The following ZNF423 variants were observed in gnomAD, a reference collection of about 807,000 sequenced individuals.
The protein encoded by ZNF423 is zinc finger protein 423.
ZNF423 carries 12 observed loss-of-function variants against 95.8 expected under a neutral mutation model. That is an observed-to-expected ratio of 0.13 (90% CI 0.08 to 0.20). The LOEUF (loss-of-function observed/expected upper bound fraction) is 0.20, where lower values mean the gene tolerates loss of function less well. Among genes scored for constraint, ZNF423 ranks in the 10% least tolerant of loss-of-function variants. The probability of loss-of-function intolerance (pLI) is 1.00; values close to 1 mark genes in which losing one functional copy is unlikely to be tolerated. For missense variants in ZNF423, 1,316 were observed against 1,737.1 expected, an observed-to-expected ratio of 0.76 and a Z score of 4.31; for synonymous variants, 749 against 711.9, an observed-to-expected ratio of 1.05 and a Z score of -0.83.
At chr16:49,761,827 A>G (rs1211370892) in intron 2 of ZNF423, among the ~76,000 whole-genome samples, 1 of 152,210 alleles carries the variant, frequency 6.6e-6, no homozygotes, top group African/African-American at 2.4e-5. Flanking sequence ...AATCCTTTAA[A>G]AAGAGAGAGA....
At chr16:49,813,151 G>A (rs1052891138) in intron 1 of ZNF423, among the ~76,000 whole-genome samples, 1 of 152,020 alleles carries the variant, frequency 6.6e-6, no homozygotes, top group African/African-American at 2.4e-5. Flanking sequence ...CCATTTCCCT[G>A]TGCGTATGAA....
intron 1 of ZNF423, among the ~76,000 whole-genome samples, chr16:49,791,062 T>C (rs745611087): frequency 6.6e-6 from 1 of 152,180 alleles, no homozygotes; most frequent in Non-Finnish European, 1.5e-5. Context: ...CCTCACAGAA[T>C]GGGTTTCTCT....
chr16:49,727,051 G>T lies in ZNF423; in HGVS notation c.301+3720C>A, dbSNP rs181033959. On this transcript the variant is annotated intron_variant, in intron 3 of 7. Transcript: ENST00000563137. The stretch of plus-strand genomic sequence containing the variant: ...AAATCAAACAGACATCAGGGCGGGA[G>T]AATGAATGGAGAGGACTGGATTTTT... Among the ~76,000 whole-genome samples the T allele has an allele frequency of 1.8e-3, 270 of 152,234 alleles. 1 individual carries two copies. The highest frequency in any genetic ancestry group is 6.8e-4 in the Non-Finnish European group (46 of 68,028).
rs112361973 is a variant in ZNF423 at position 49,768,836 on chromosome 16, C to T, written c.100+20651G>A. Among the ~76,000 whole-genome samples the T allele has an allele frequency of 6.6e-5, 10 of 152,182 alleles. 1 individual carries two copies. Among genetic ancestry groups the T allele is most frequent in the African/African-American group, 2.4e-4 (10 of 41,528 alleles). On this transcript the variant is annotated intron_variant, in intron 2 of 7. Transcript: ENST00000563137. ...GATTGCCAGAACACACGTTCAAGTA[C>T]CCCCTCAACATCTCACGGGCATCTC...
intron 3 of ZNF423, among the ~76,000 whole-genome samples, chr16:49,658,007 A>G (rs945765567): frequency 6.6e-6 from 1 of 152,234 alleles, no homozygotes; most frequent in Non-Finnish European, 1.5e-5. Context: ...CCTCAGGACT[A>G]ACAATGTCAG....
intron 5 of ZNF423, among the ~76,000 whole-genome samples, chr16:49,580,349 A>G (rs1311121852): frequency 6.6e-6 from 1 of 151,832 alleles, no homozygotes; most frequent in African/African-American, 2.4e-5. Context: ...CACCAATAAC[A>G]CGTCTCTTAG....
At chr16:49,502,602 C>A (rs1232685580) in intron 7 of ZNF423, among the ~76,000 whole-genome samples, 1 of 152,034 alleles carries the variant, frequency 6.6e-6, no homozygotes, top group African/African-American at 2.4e-5. Context: ...AACCCCCACA[C>A]CTTCCTTGCT....
At chr16:49,758,680 T>C (rs1279076564) in intron 2 of ZNF423, among the ~76,000 whole-genome samples, 1 of 152,112 alleles carries the variant, frequency 6.6e-6, no homozygotes, top group African/African-American at 2.4e-5. Context: ...AGTTTGAAGC[T>C]GCAGTGAGCT....
intron 5 of ZNF423, among the ~76,000 whole-genome samples, chr16:49,578,792 G>A (rs770080932): frequency 9.8e-5 from 15 of 152,336 alleles, no homozygotes; most frequent in Non-Finnish European, 1.6e-4. Flanking sequence ...CTGGACGGAG[G>A]TAGACCCAAG....
At chr16:49,503,182 C>T (rs551438739) in intron 7 of ZNF423, among the ~76,000 whole-genome samples, 38 of 152,216 alleles carry the variant, frequency 2.5e-4, no homozygotes, top group African/African-American at 7.9e-4. Flanking sequence ...ATCTGCCCCA[C>T]GTTCACCCCA....
intron 4 of ZNF423, among the ~76,000 whole-genome samples, chr16:49,632,092 G>C (rs1483682594): frequency 6.6e-6 from 1 of 152,200 alleles, no homozygotes; most frequent in Non-Finnish European, 1.5e-5. Context: ...ACCTAGCAGA[G>C]AAAGGCACCG....
At chr16:49,836,910 G>A (rs535422096) in intron 1 of ZNF423, among the ~76,000 whole-genome samples, 1 of 152,308 alleles carries the variant, frequency 6.6e-6, no homozygotes, top group South Asian at 2.1e-4. Context: ...TGGGAACCCA[G>A]GACAGGCCTC....
chr16:49,733,373 AT>A (rs1221504278), intron 2 of ZNF423, among the ~76,000 whole-genome samples: 2 of 152,176 alleles, frequency 1.3e-5, no homozygotes, highest in African/African-American at 4.8e-5. Flanking sequence ...TCCCCTCGTT[AT>A]TTTTTTGCCG....
intron 7 of ZNF423, among the ~76,000 whole-genome samples, chr16:49,502,295 T>C (rs1230417456): frequency 1.3e-5 from 2 of 152,056 alleles, no homozygotes; most frequent in African/African-American, 4.8e-5. Flanking sequence ...GTGGTTAAGT[T>C]CTGACAAAGA....
At chr16:49,614,894 G>A (rs1401405234) in intron 5 of ZNF423, among the ~76,000 whole-genome samples, 1 of 152,156 alleles carries the variant, frequency 6.6e-6, no homozygotes, top group Non-Finnish European at 1.5e-5. Context: ...ACTTTGGGAG[G>A]CTCTGGCGGG....
intron 3 of ZNF423, among the ~76,000 whole-genome samples, chr16:49,673,978 TG>T (rs2030933619): frequency 6.6e-6 from 1 of 152,174 alleles, no homozygotes; most frequent in Non-Finnish European, 1.5e-5. Context: ...GAAGGCCTGC[TG>T]CTGGGTCTTA....
At chr16:49,757,208 G>A (rs2033743575) in intron 2 of ZNF423, among the ~76,000 whole-genome samples, 1 of 152,164 alleles carries the variant, frequency 6.6e-6, no homozygotes, top group South Asian at 2.1e-4. Flanking sequence ...TATAAATGAG[G>A]CCAAGAATTT....
chr16:49,713,353 G>A (rs2032603587), intron 3 of ZNF423, among the ~76,000 whole-genome samples: 1 of 152,194 alleles, frequency 6.6e-6, no homozygotes, highest in East Asian at 1.9e-4. Context: ...TGGGTACAAA[G>A]GATATTTGCC....
At chr16:49,772,329 A>G (rs959648864) in intron 2 of ZNF423, among the ~76,000 whole-genome samples, 1 of 152,194 alleles carries the variant, frequency 6.6e-6, no homozygotes, top group African/African-American at 2.4e-5. Flanking sequence ...TGCACCGGTG[A>G]GAGCCGTCTG....
Sources: gnomAD v4.1 joint callset for allele counts (sites outside exome capture counted in the v4.1 genomes callset) on GRCh38, gnomAD v4.1.1 for gene constraint, MANE v1.5 for transcripts, NCBI Gene and HGNC (gene_info 2026-07-23, HGNC 2026-07-21) for gene names.